DDX42: variants seen among roughly 807,000 people sequenced by gnomAD.
The protein encoded by DDX42 is DEAD-box helicase 42.
Under a neutral mutation model 101.5 loss-of-function variants are expected in DDX42, and 22 were observed. The observed-to-expected ratio is 0.22, with a 90% CI of 0.15 to 0.31. DDX42 has a LOEUF of 0.31. Among genes scored for constraint, DDX42 ranks in the 10% least tolerant of loss-of-function variants. The pLI, the probability that DDX42 is intolerant of heterozygous loss-of-function variation, is 1.00. For synonymous variants in DDX42, 402 were observed against 401.2 expected (o/e 1.00, Z -0.02); for missense variants, 849 against 1,199.9 (o/e 0.71, Z 4.32).
In DDX42 at chr17:63,774,317, G is replaced by A. The variant is rs770306583; in HGVS notation, c.-76G>A. ...CGGGCCGGGACAGCGCGTACTTTGG[G>A]CTCCGGGATTCGCTCCGCGCCCGCG... On this transcript the variant is annotated 5_prime_UTR_variant, in exon 1 of 18. Coordinates refer to ENST00000389924, the MANE Select transcript of DDX42 (RefSeq NM_203499.3). The A allele has an allele frequency of 1.9e-5, 5 of 266,552 alleles. 1 individual carries two copies. In the East Asian group the frequency reaches 2.1e-4, roughly 11 times the overall value. The allele number at this position is 266,552 out of a possible 1,614,324, so 16.5% of individuals were successfully genotyped here.
chr17:63,817,615 C>G, intron 17 of DDX42, 79 bp from the exon 18 acceptor site: 1 of 1,400,520 alleles, frequency 7.1e-7, no homozygotes, highest in Non-Finnish European at 9.9e-7. Flanking sequence ...TTCTGTAAAC[C>G]TCATCATTTG....
chr17:63,782,711 G>A (rs550767375), intron 1 of DDX42, among the ~76,000 whole-genome samples: 3 of 152,022 alleles, frequency 2.0e-5, no homozygotes, highest in East Asian at 1.9e-4. Context: ...GAATTTTGTC[G>A]CTTTATACCT....
chr17:63,806,415 A>AG (rs772850404), intron 7 of DDX42, 120 bp from the exon 8 acceptor site: 3 of 1,142,066 alleles, frequency 2.6e-6, no homozygotes, highest in Non-Finnish European at 3.5e-6. Context: ...TTTGGCTTAC[A>AG]GACTTGTATT....
rs1171884746 is a variant in DDX42, at chr17:63,807,743, G to A, written c.866G>A (p.Ser289Asn). Reference protein sequence around the residue: ...IQCQGVPVALSGRDMIGIAKT... With the variant: ...IQCQGVPVALNGRDMIGIAKT... ...CTCCAGGGTGTGCCTGTGGCATTAA[G>A]TGGTAGAGACATGATTGGTATTGCC... Residue 289 changes from serine (S) to asparagine (N), a missense_variant, in exon 9 of 18, where the codon AGT becomes AAT. By Grantham distance (46) the Ser-to-Asn change is conservative (BLOSUM62 1). Transcript: ENST00000389924. 5.6e-6 allele frequency: 9 copies of A among 1,613,532 alleles called. No individual in the cohort carries two copies. Among genetic ancestry groups the A allele is most frequent in the Non-Finnish European group, 7.6e-6 (9 of 1,179,846 alleles).
At chr17:63,789,571 G>GTTTTT (rs538515067) in intron 2 of DDX42, among the ~76,000 whole-genome samples, 7 of 45,680 alleles carry the variant, frequency 1.5e-4, no homozygotes, top group Non-Finnish European at 2.5e-4. Flanking sequence ...TTTTGTTTTT[G>GTTTTT]TTTTTTTTTT....
chr17:63,790,968 A>G (rs191313438), intron 2 of DDX42, among the ~76,000 whole-genome samples: 5 of 152,314 alleles, frequency 3.3e-5, no homozygotes, highest in African/African-American at 1.2e-4. Context: ...AGTTTAGCCT[A>G]TATTATTGTT....
chr17:63,816,364 A>G (rs1416785928), intron 16 of DDX42, among the ~76,000 whole-genome samples: 2 of 152,228 alleles, frequency 1.3e-5, no homozygotes, highest in Admixed American at 6.5e-5. Context: ...AGCACTTTAT[A>G]TGTGCCAGGA....
At position 63,798,033 on chromosome 17, in the gene DDX42, A is replaced by G. The variant is rs762002666; in HGVS notation, c.373-5A>G. The G allele has an allele frequency of 1.2e-6, 2 of 1,609,872 alleles. No homozygotes were observed. The highest frequency in any genetic ancestry group is 2.2e-5 in the East Asian group (1 of 44,710). On this transcript the variant is annotated splice_region_variant and splice_polypyrimidine_tract_variant and intron_variant, in intron 3 of 17. Coordinates refer to ENST00000389924, the MANE Select transcript of DDX42 (RefSeq NM_203499.3). ...GTCATTCTATACAGCCTTTTGTTTC[A>G]TTAGGATCAGGCAGCTAGAGACATG...
chr17:63,817,207 G>A, intron 17 of DDX42: 1 of 480,214 alleles, frequency 2.1e-6, no homozygotes, highest in Non-Finnish European at 3.7e-6. Context: ...TTGTTGTCCT[G>A]CAGCAGGGTG....
chr17:63,806,493 G>T, intron 7 of DDX42, 42 bp from the exon 8 acceptor site: 1 of 1,576,172 alleles, frequency 6.3e-7, no homozygotes, highest in Non-Finnish European at 8.6e-7. Context: ...TGCTGTTAAT[G>T]TTGAAGTACA....
chr17:63,810,966 C>G, intron 12 of DDX42, 110 bp from the exon 13 acceptor site: 6 of 793,680 alleles, frequency 7.6e-6, no homozygotes, highest in Non-Finnish European at 1.2e-5. Flanking sequence ...ATTTAAAGTT[C>G]AGGTGAGCTT....
Position 63,789,267 on chromosome 17 carries a change from C to T in DDX42, c.221+1997C>T, listed in dbSNP as rs530260730. Reference sequence around the variant, plus strand: ...CTGATTTTTGTATTTTTAGTAGAAACGCGGTTTCACCAGGTTGGCCAGGCT... The same window carrying T: ...CTGATTTTTGTATTTTTAGTAGAAATGCGGTTTCACCAGGTTGGCCAGGCT... On this transcript the variant is annotated intron_variant, in intron 2 of 17. Coordinates refer to ENST00000389924, the MANE Select transcript of DDX42 (RefSeq NM_203499.3). Among the ~76,000 whole-genome samples the T allele has an allele frequency of 1.4e-3, 214 of 151,884 alleles. 1 individual carries two copies. The highest frequency in any genetic ancestry group is 4.7e-3 in the African/African-American group (193 of 41,410).
chr17:63,796,508 G>T (rs1054156501), intron 3 of DDX42, among the ~76,000 whole-genome samples: 5 of 152,236 alleles, frequency 3.3e-5, no homozygotes, highest in African/African-American at 1.2e-4. Flanking sequence ...TAGAGACAGG[G>T]TTTCTCCATA....
intron 3 of DDX42, 69 bp downstream of exon 3, chr17:63,792,631 A>G (rs915369572): frequency 2.1e-6 from 3 of 1,455,774 alleles, no homozygotes; most frequent in South Asian, 1.5e-5. Flanking sequence ...TAGTACTTCA[A>G]ATCTTATTCA....
At chr17:63,805,343 G>A in intron 7 of DDX42, 168 bp downstream of exon 7, 4 of 811,904 alleles carry the variant, frequency 4.9e-6, no homozygotes, top group Non-Finnish European at 7.3e-6. Flanking sequence ...TAATTTGATT[G>A]TTTTAGTCTT....
intron 6 of DDX42, among the ~76,000 whole-genome samples, chr17:63,803,054 A>G (rs1188965735): frequency 1.3e-5 from 2 of 152,240 alleles, no homozygotes; most frequent in African/African-American, 4.8e-5. Flanking sequence ...TTTTTAATAT[A>G]ATGAAATGTG....
chr17:63,811,240 A>T (rs1424443645), intron 13 of DDX42, 67 bp downstream of exon 13: 1 of 1,174,118 alleles, frequency 8.5e-7, no homozygotes, highest in African/African-American at 1.6e-5. Flanking sequence ...ACACAGAATT[A>T]ATTTCTCACT....
chr17:63,800,620 A>G lies in DDX42; in HGVS notation c.621+3A>G, dbSNP rs1178949979. ...TTCCCCCCATTGATCATTCAGAGGT[A>G]TGGTGTTTCTTGCTGAATTTTACTC... On this transcript the variant is annotated splice_donor_region_variant and intron_variant, in intron 6 of 17. Coordinates refer to ENST00000389924, the MANE Select transcript of DDX42 (RefSeq NM_203499.3). 1 of 1,611,364 alleles carries G rather than the reference A, an allele frequency of 6.2e-7. No homozygotes were observed. The highest frequency in any genetic ancestry group is 1.1e-5 in the South Asian group (1 of 90,308).
chr17:63,811,999 C>T lies in DDX42; in HGVS notation c.1466C>T (p.Thr489Ile), dbSNP rs762022667. The change falls in exon 14 of 18, where the codon ACC (threonine) becomes ATC (isoleucine). Residue 489 changes from threonine to isoleucine, a missense_variant. Around this residue, in one of 5 missense-constraint regions of DDX42, gnomAD observed 370 missense variants for 608.8 expected, o/e 0.61. Coordinates refer to ENST00000389924, the MANE Select transcript of DDX42 (RefSeq NM_203499.3). The stretch of plus-strand genomic sequence containing the variant: ...GGACCTAGTAAATGGAACTGGCTTA[C>T]CCGGCGTCTGGTAGAATTTACCTCT... ...HSGPSKWNWL[T>I]RRLVEFTSSG... is the part of the protein sequence containing the mutation. 13 of 1,614,076 alleles carry T rather than the reference C, an allele frequency of 8.1e-6. No homozygotes were observed. Among genetic ancestry groups the T allele is most frequent in the East Asian group, 4.5e-5 (2 of 44,900 alleles).
Sources: allele counts gnomAD v4.1 joint callset (sites outside exome capture counted in the v4.1 genomes callset), GRCh38; gene constraint gnomAD v4.1.1; regional missense constraint gnomAD v4.1.1; transcripts MANE v1.5; gene names NCBI Gene and HGNC (gene_info 2026-07-23, HGNC 2026-07-21).